Variants in HS6ST3 observed in about 807,000 individuals in gnomAD.
HS6ST3 encodes heparan sulfate 6-O-sulfotransferase 3.
Under a neutral mutation model 36.7 loss-of-function variants are expected in HS6ST3, and 12 were observed. The observed-to-expected ratio is 0.33, with a 90% CI of 0.21 to 0.53. The LOEUF (loss-of-function observed/expected upper bound fraction) is 0.53, where lower values mean the gene tolerates loss of function less well. Ranked by LOEUF, HS6ST3 falls within the 20% of genes least tolerant of loss-of-function variation. The probability of loss-of-function intolerance (pLI) is 0.95; values close to 1 mark genes in which losing one functional copy is unlikely to be tolerated. For synonymous variants in HS6ST3, 240 were observed against 257.5 expected, an observed-to-expected ratio of 0.93 and a Z score of 0.65; for missense variants, 584 against 640.9, an observed-to-expected ratio of 0.91 and a Z score of 0.96.
chr13:96,460,800 T>C (rs1243690569), intron 1 of HS6ST3, among the ~76,000 whole-genome samples: 1 of 152,188 alleles, frequency 6.6e-6, no homozygotes, highest in Non-Finnish European at 1.5e-5. Flanking sequence ...GTGTGCCCAC[T>C]CAGCACAGAC....
chr13:96,788,970 C>T (rs1188269541), intron 1 of HS6ST3, among the ~76,000 whole-genome samples: 1 of 151,664 alleles, frequency 6.6e-6, no homozygotes, highest in Non-Finnish European at 1.5e-5. Flanking sequence ...TGTATTCTGT[C>T]AATCTTTTTC....
intron 1 of HS6ST3, among the ~76,000 whole-genome samples, chr13:96,094,331 A>G (rs975864123): frequency 2.6e-5 from 4 of 152,212 alleles, no homozygotes; most frequent in Non-Finnish European, 5.9e-5. Context: ...ATACTGCAAT[A>G]TCAGTTGTTA....
intron 1 of HS6ST3, among the ~76,000 whole-genome samples, chr13:96,547,784 G>C (rs182680650): frequency 6.6e-6 from 1 of 152,192 alleles, no homozygotes; most frequent in African/African-American, 2.4e-5. Context: ...GATGGGGAAG[G>C]TTCCAGTTTT....
At chr13:96,330,105 C>A (rs1270224137) in intron 1 of HS6ST3, among the ~76,000 whole-genome samples, 1 of 138,470 alleles carries the variant, frequency 7.2e-6, no homozygotes, top group African/African-American at 2.7e-5. Context: ...TTCCTGAATA[C>A]AGCACACTGA....
chr13:96,765,717 A>G (rs1848905019), intron 1 of HS6ST3, among the ~76,000 whole-genome samples: 1 of 152,088 alleles, frequency 6.6e-6, no homozygotes, highest in Admixed American at 6.5e-5. Flanking sequence ...GACAAAGAAT[A>G]TGGTAATGTA....
chr13:96,417,040 G>A (rs1280758308), intron 1 of HS6ST3, among the ~76,000 whole-genome samples: 2 of 152,176 alleles, frequency 1.3e-5, no homozygotes, highest in Non-Finnish European at 1.5e-5. Context: ...GTGAGCCACC[G>A]CGCCCGGCCG....
chr13:96,137,626 G>A (rs1160644806), intron 1 of HS6ST3, among the ~76,000 whole-genome samples: 1 of 151,994 alleles, frequency 6.6e-6, no homozygotes, highest in East Asian at 1.9e-4. Flanking sequence ...GAGAGAGGGG[G>A]TTTCACCATG....
chr13:96,267,054 G>A (rs1286508874), intron 1 of HS6ST3, among the ~76,000 whole-genome samples: 2 of 152,214 alleles, frequency 1.3e-5, no homozygotes, highest in South Asian at 2.1e-4. Flanking sequence ...CTCGGAGCGG[G>A]TTTTTTGTGT....
intron 1 of HS6ST3, among the ~76,000 whole-genome samples, chr13:96,447,009 G>A (rs189089440): frequency 4.5e-4 from 68 of 152,038 alleles, no homozygotes; most frequent in African/African-American, 1.5e-3. Context: ...CAACTTATCC[G>A]TTTTTTAGCT....
At chr13:96,197,394 CAT>C (rs1405101241) in intron 1 of HS6ST3, among the ~76,000 whole-genome samples, 2 of 152,298 alleles carry the variant, frequency 1.3e-5, no homozygotes, top group South Asian at 2.1e-4. Flanking sequence ...CCTCCCACAA[CAT>C]GTGGGAATTC....
intron 1 of HS6ST3, among the ~76,000 whole-genome samples, chr13:96,235,278 G>A (rs1003147316): frequency 2.0e-5 from 3 of 152,164 alleles, no homozygotes; most frequent in African/African-American, 7.2e-5. Flanking sequence ...ATTTATATTA[G>A]GGGATTATCT....
intron 1 of HS6ST3, among the ~76,000 whole-genome samples, chr13:96,473,534 A>G (rs546978891): frequency 4.6e-5 from 7 of 152,222 alleles, no homozygotes; most frequent in African/African-American, 1.4e-4. Context: ...TGGCATCGCT[A>G]CCTCTTCTGG....
At chr13:96,629,685 C>A (rs2056525168) in intron 1 of HS6ST3, among the ~76,000 whole-genome samples, 1 of 151,964 alleles carries the variant, frequency 6.6e-6, no homozygotes, top group Non-Finnish European at 1.5e-5. Context: ...ATGTTATGTA[C>A]TTTCATTATC....
At position 96,797,429 on chromosome 13, in the gene HS6ST3, GTTAA is replaced by G. The variant is rs147085691; in HGVS notation, c.708-35058_708-35055del. ...AAAGGCAGAAAGAATAAACAATTTG[GTTAA>G]TTGAGTTTGAATGATAGAATTGCAA... On this transcript the variant is annotated intron_variant, in intron 1 of 1. Transcript: ENST00000376705. 9.0e-3 allele frequency among the ~76,000 whole-genome samples: 1,363 copies of G among 152,036 alleles called. 22 individuals are homozygous for G. The highest frequency in any genetic ancestry group is 0.031 in the African/African-American group (1,292 of 41,472).
At chr13:96,516,656 T>A (rs960624017) in intron 1 of HS6ST3, among the ~76,000 whole-genome samples, 1 of 152,224 alleles carries the variant, frequency 6.6e-6, no homozygotes, top group Non-Finnish European at 1.5e-5. Context: ...AAACTCTTAT[T>A]GGTTCAGAGT....
At chr13:96,479,542 A>AGCT (rs1449988403) in intron 1 of HS6ST3, among the ~76,000 whole-genome samples, 4 of 152,078 alleles carry the variant, frequency 2.6e-5, no homozygotes, top group African/African-American at 9.7e-5. Context: ...AGGCAGGGAG[A>AGCT]GCTGTCCCAT....
At chr13:96,539,331 G>A (rs1315190405) in intron 1 of HS6ST3, among the ~76,000 whole-genome samples, 1 of 151,692 alleles carries the variant, frequency 6.6e-6, no homozygotes, top group Non-Finnish European at 1.5e-5. Flanking sequence ...CCCAACGAAA[G>A]CATTTGCACA....
intron 1 of HS6ST3, among the ~76,000 whole-genome samples, chr13:96,803,433 A>C (rs1232850800): frequency 1.3e-5 from 2 of 152,302 alleles, no homozygotes; most frequent in African/African-American, 4.8e-5. Context: ...TAATGGGCCC[A>C]TATTCCTAAC....
intron 1 of HS6ST3, among the ~76,000 whole-genome samples, chr13:96,792,060 CAT>C (rs1314130182): frequency 2.0e-5 from 3 of 151,938 alleles, no homozygotes; most frequent in African/African-American, 7.2e-5. Context: ...ATATTAAACA[CAT>C]ACACACATAT....
Sources: gnomAD v4.1 joint callset for allele counts (sites outside exome capture counted in the v4.1 genomes callset) on GRCh38, gnomAD v4.1.1 for gene constraint, MANE v1.5 for transcripts, NCBI Gene and HGNC (gene_info 2026-07-23, HGNC 2026-07-21) for gene names.